Variants in TLK1 observed in about 807,000 individuals in gnomAD.
TLK1 encodes the protein tousled like kinase 1, also known as serine/threonine-protein kinase tousled-like 1.
In TLK1, 24 loss-of-function variants were observed where a neutral mutation model predicts 105.3. The ratio of observed to expected loss-of-function variants is 0.23; its 90% CI spans 0.17 to 0.32. TLK1 has a LOEUF of 0.32. Among genes scored for constraint, TLK1 ranks in the 10% least tolerant of loss-of-function variants. The pLI is 1.00. For synonymous variants in TLK1, 321 were observed against 310.4 expected (o/e 1.03, Z -0.36); for missense variants, 558 against 910.5 (o/e 0.61, Z 4.98).
chr2:171,038,345 CTCT>C (rs1454332157), intron 11 of TLK1, among the ~76,000 whole-genome samples: 1 of 151,920 alleles, frequency 6.6e-6, no homozygotes, highest in African/African-American at 2.4e-5. Flanking sequence ...TATCTTTTCC[CTCT>C]TCTTTGGTTA....
chr2:171,129,511 C>T (rs1691009006), intron 1 of TLK1, among the ~76,000 whole-genome samples: 1 of 152,112 alleles, frequency 6.6e-6, no homozygotes, highest in South Asian at 2.1e-4. Context: ...TGAATACGAT[C>T]TACCTATTAA....
chr2:171,180,615 T>C (rs1692911503), intron 1 of TLK1, among the ~76,000 whole-genome samples: 1 of 152,206 alleles, frequency 6.6e-6, no homozygotes, highest in Non-Finnish European at 1.5e-5. Context: ...TCCAGAGTTC[T>C]GAAGTAGTTT....
At chr2:171,113,011 A>G (rs750677794) in intron 2 of TLK1, among the ~76,000 whole-genome samples, 2 of 152,146 alleles carry the variant, frequency 1.3e-5, no homozygotes, top group Admixed American at 6.5e-5. Context: ...AAAAAAAGCT[A>G]TAATAGAAGA....
chr2:171,152,214 T>C (rs1692070318), intron 1 of TLK1, among the ~76,000 whole-genome samples: 1 of 152,200 alleles, frequency 6.6e-6, no homozygotes, highest in Non-Finnish European at 1.5e-5. Flanking sequence ...TCCACATAGA[T>C]GAAGAGGAAA....
At chr2:171,056,903 A>T (rs761682904) in intron 5 of TLK1, among the ~76,000 whole-genome samples, 2 of 152,062 alleles carry the variant, frequency 1.3e-5, no homozygotes, top group Non-Finnish European at 2.9e-5. Flanking sequence ...CAGGTCCCCT[A>T]CAAATGTTTA....
chr2:171,209,567 T>G (rs951104711), intron 1 of TLK1, among the ~76,000 whole-genome samples: 1 of 152,204 alleles, frequency 6.6e-6, no homozygotes, highest in Non-Finnish European at 1.5e-5. Context: ...CGCAGTAATG[T>G]GTCCTTTTGT....
chr2:171,050,740 C>T (rs1337757931), intron 8 of TLK1, among the ~76,000 whole-genome samples: 1 of 152,172 alleles, frequency 6.6e-6, no homozygotes, highest in East Asian at 1.9e-4. Context: ...TTGTAGGTGG[C>T]CATATGCTCA....
chr2:171,039,202 T>G (rs974193185), intron 11 of TLK1, among the ~76,000 whole-genome samples: 3 of 152,194 alleles, frequency 2.0e-5, no homozygotes, highest in Non-Finnish European at 4.4e-5. Context: ...TTAAGAATTT[T>G]TTTCTCTTTG....
intron 2 of TLK1, among the ~76,000 whole-genome samples, chr2:171,108,563 T>C (rs965314897): frequency 3.3e-5 from 5 of 152,186 alleles, no homozygotes; most frequent in South Asian, 4.1e-4. Flanking sequence ...AATGCTCCTA[T>C]TGTATCAAAA....
intron 1 of TLK1, among the ~76,000 whole-genome samples, chr2:171,133,781 G>A (rs927787038): frequency 1.3e-5 from 2 of 148,340 alleles, no homozygotes; most frequent in East Asian, 3.9e-4. Flanking sequence ...TTTAATATTT[G>A]AGTGTACATA....
chr2:171,047,959 T>A (rs1179300713), intron 10 of TLK1, among the ~76,000 whole-genome samples: 1 of 152,216 alleles, frequency 6.6e-6, no homozygotes, highest in African/African-American at 2.4e-5. Context: ...TTTTTGACAT[T>A]ATTTTTTGAG....
intron 1 of TLK1, among the ~76,000 whole-genome samples, chr2:171,142,072 T>G (rs1195484361): frequency 6.6e-6 from 1 of 151,992 alleles, no homozygotes; most frequent in Admixed American, 6.6e-5. Flanking sequence ...GAGAAAAAAG[T>G]GCTAACTTAT....
chr2:171,016,538 T>C (rs1422728746), intron 12 of TLK1, among the ~76,000 whole-genome samples: 1 of 152,264 alleles, frequency 6.6e-6, no homozygotes, highest in African/African-American at 2.4e-5. Context: ...AACAGAAGTT[T>C]TTTCTGAATA....
Position 170,996,738 on chromosome 2 carries a change from T to C in TLK1, c.2039A>G (p.Gln680Arg). The C allele has an allele frequency of 6.2e-7, 1 of 1,611,640 alleles. No individual in the cohort carries two copies. Among genetic ancestry groups the C allele is most frequent in the Non-Finnish European group, 8.5e-7 (1 of 1,179,120 alleles). The change falls in exon 20 of 21, where the codon CAA becomes CGA. Residue 680 changes from glutamine (Q) to arginine (R), a missense_variant. Coordinates refer to ENST00000431350, the MANE Select transcript of TLK1 (RefSeq NM_012290.5). ...GRKPFGHNQS[Q>R]QDILQENTIL... The stretch of plus-strand genomic sequence containing the variant: ...TGTATTTTCTTGAAGAATGTCTTGT[T>C]GAGATTGATTGTGACCAAATGGCTT...
At chr2:171,051,062 T>C (rs773938706) in intron 8 of TLK1, among the ~76,000 whole-genome samples, 13 of 152,142 alleles carry the variant, frequency 8.5e-5, no homozygotes, top group African/African-American at 1.2e-4. Context: ...CCCAACACAG[T>C]TGTTTTTCAA....
chr2:171,005,853 T>C (rs1684628778), intron 18 of TLK1, among the ~76,000 whole-genome samples: 1 of 152,204 alleles, frequency 6.6e-6, no homozygotes, highest in African/African-American at 2.4e-5. Context: ...GCTAACATTG[T>C]AGAAGAAAAC....
intron 12 of TLK1, among the ~76,000 whole-genome samples, chr2:171,026,286 TATA>T (rs1559350279): frequency 6.6e-6 from 1 of 152,150 alleles, no homozygotes; most frequent in East Asian, 1.9e-4. Flanking sequence ...CAAATGTCTA[TATA>T]ATATTTGGAC....
intron 3 of TLK1, among the ~76,000 whole-genome samples, chr2:171,069,143 C>T (rs1434609880): frequency 6.6e-6 from 1 of 152,066 alleles, no homozygotes; most frequent in African/African-American, 2.4e-5. Flanking sequence ...CCAAAGAGTA[C>T]CATTTTTGTC....
chr2:171,117,767 C>A lies in TLK1; in HGVS notation c.230G>T (p.Ser77Ile). The change falls in exon 2 of 21, where the codon AGT becomes ATT. Residue 77 changes from serine (S) to isoleucine (I), a missense_variant. By Grantham distance (142) the Ser-to-Ile change is moderately radical. Around this residue, in one of 5 missense-constraint regions of TLK1, gnomAD observed 104 missense variants for 116.0 expected, o/e 0.90. Transcript: ENST00000431350. The stretch of plus-strand genomic sequence containing the variant: ...AGCTCCAACACTGCAACTGCCCGTA[C>A]TTCCAGTGCTCCCACTTGCAACTCC... ...FTGVASGSTG[S>I]TGSCSVGAKA... The A allele has an allele frequency of 6.2e-7, 1 of 1,613,922 alleles. No individual in the cohort carries two copies. Among genetic ancestry groups the A allele is most frequent in the Non-Finnish European group, 8.5e-7 (1 of 1,179,960 alleles).
Sources: gnomAD v4.1 joint callset for allele counts (sites outside exome capture counted in the v4.1 genomes callset) on GRCh38, gnomAD v4.1.1 for gene constraint, gnomAD v4.1.1 regional missense constraint, MANE v1.5 for transcripts, NCBI Gene and HGNC (gene_info 2026-07-23, HGNC 2026-07-21) for gene names.